CALR: variants seen among roughly 807,000 people sequenced by gnomAD.
The protein encoded by CALR is CRP55.
In CALR, 15 loss-of-function variants were observed where a neutral mutation model predicts 51.1. The ratio of observed to expected loss-of-function variants is 0.29; its 90% confidence interval spans 0.20 to 0.45. The LOEUF (loss-of-function observed/expected upper bound fraction) is 0.45, where lower values mean the gene tolerates loss of function less well. Ranked by LOEUF, CALR falls within the 20% of genes least tolerant of loss-of-function variation. CALR has a pLI of 1.00. For synonymous variants in CALR, 239 were observed against 205.9 expected, an observed-to-expected ratio of 1.16 and a Z score of -1.38; for missense variants, 477 against 530.6, an observed-to-expected ratio of 0.90 and a Z score of 0.99.
rs1018609569 is a variant in CALR at position 12,938,650 on chromosome 19, G to A, written c.-30G>A. Reference sequence around the variant, plus strand: ...CGCTGCCGGAGGGTCGTTTTAAAGGGCCCGCGCGTTGCCGCCCCCTCGGCC... The same window carrying A: ...CGCTGCCGGAGGGTCGTTTTAAAGGACCCGCGCGTTGCCGCCCCCTCGGCC... On this transcript the variant is annotated 5_prime_UTR_variant, in exon 1 of 9. Transcript: ENST00000316448. 5.1e-6 allele frequency: 8 copies of A among 1,569,532 alleles called. No individual in the cohort carries two copies. The African/African-American group carries it at 6.8e-5, about 13-fold the overall frequency.
intron 4 of CALR, 37 bp from the exon 5 acceptor site, chr19:12,940,206 T>TG (rs1443241458): frequency 1.2e-6 from 2 of 1,609,834 alleles, no homozygotes; most frequent in African/African-American, 1.3e-5. Flanking sequence ...TCAGCCTCAT[T>TG]GGGGGGTGGC....
intron 7 of CALR, among the ~76,000 whole-genome samples, chr19:12,942,142 A>G (rs950069803): frequency 9.9e-5 from 15 of 151,834 alleles, no homozygotes; most frequent in East Asian, 2.0e-4. Context: ...GGTGGATCAC[A>G]AGGTCAGGAG....
At chr19:12,942,172 A>T (rs1463043674) in intron 7 of CALR, among the ~76,000 whole-genome samples, 1 of 151,942 alleles carries the variant, frequency 6.6e-6, no homozygotes, top group Non-Finnish European at 1.5e-5. Context: ...ATCCTGGCTA[A>T]CATGGTGAAT....
At chr19:12,941,258 T>TA (rs1971542716) in intron 7 of CALR, among the ~76,000 whole-genome samples, 1 of 152,042 alleles carries the variant, frequency 6.6e-6, no homozygotes, top group African/African-American at 2.4e-5. Context: ...CAACTCAACC[T>TA]AGCTTGGCAA....
intron 7 of CALR, among the ~76,000 whole-genome samples, chr19:12,941,763 G>A (rs556456408): frequency 2.1e-4 from 32 of 151,782 alleles, no homozygotes; most frequent in African/African-American, 3.4e-4. Flanking sequence ...GATTACAGGC[G>A]TGAGCCACCT....
In CALR at chr19:12,943,863, G is replaced by C. The variant is rs1471691318; in HGVS notation, c.1204G>C (p.Glu402Gln). Residue 402 changes from glutamate to glutamine, a missense_variant, in exon 9 of 9, where the codon GAG becomes CAG. Coordinates refer to ENST00000316448, the MANE Select transcript of CALR (RefSeq NM_004343.4). ...GGATGAGGAGGATGAGGAGGACAAG[G>C]AGGAAGATGAGGAGGAAGATGTCCC... Reference protein sequence around the residue: ...DEDEEDEEDKEEDEEEDVPGQ... With the variant: ...DEDEEDEEDKQEDEEEDVPGQ... 2.5e-6 allele frequency: 4 copies of C among 1,584,196 alleles called. No homozygotes were observed. The African/African-American group carries it at 4.0e-5, about 16-fold the overall frequency.
rs1411233799 is a variant in CALR, at chr19:12,944,452, T to G, written c.*539T>G. 5.8e-6 allele frequency: 1 copy of G among 171,250 alleles called. No individual in the cohort carries two copies. The highest frequency in any genetic ancestry group is 1.2e-5 in the Non-Finnish European group (1 of 80,540). The allele number at this position is 171,250 out of a possible 1,614,324, so 10.6% of individuals were successfully genotyped here. Reference sequence around the variant, plus strand: ...TGGCTCACACTGAGAATGTAAGAACTACAAACAAAATTTCTATTAAATTAA... The same window carrying G: ...TGGCTCACACTGAGAATGTAAGAACGACAAACAAAATTTCTATTAAATTAA... On this transcript the variant is annotated 3_prime_UTR_variant, in exon 9 of 9. Transcript: ENST00000316448.
chr19:12,942,357 T>TA (rs1971560546), intron 7 of CALR, among the ~76,000 whole-genome samples: 1 of 136,762 alleles, frequency 7.3e-6, no homozygotes, highest in Admixed American at 7.6e-5. Context: ...CGAGACTCTG[T>TA]CCCAAAAAAA....
chr19:12,941,272 A>C (rs1470955726), intron 7 of CALR, among the ~76,000 whole-genome samples: 1 of 151,996 alleles, frequency 6.6e-6, no homozygotes, highest in Non-Finnish European at 1.5e-5. Flanking sequence ...TTGGCAACAC[A>C]GCGAGGAGAC....
chr19:12,942,521 C>T (rs1971562708), intron 7 of CALR, among the ~76,000 whole-genome samples: 1 of 151,602 alleles, frequency 6.6e-6, no homozygotes, highest in Non-Finnish European at 1.5e-5. Flanking sequence ...GTCAGTGGCC[C>T]AAGGTCATGG....
At chr19:12,939,084 G>A in intron 1 of CALR, 50 bp from the exon 2 acceptor site, 1 of 1,068,076 alleles carries the variant, frequency 9.4e-7, no homozygotes, top group Non-Finnish European at 1.4e-6. Flanking sequence ...TTTGGTGTGG[G>A]GGGGGATTAG....
In CALR at chr19:12,940,812, C is replaced by A; in HGVS notation, c.885C>A (p.Asp295Glu). Residue 295 changes from aspartate to glutamate, a missense_variant, in exon 7 of 9, where the codon GAC (aspartate) becomes GAA (glutamate). Asp to Glu is a conservative substitution (Grantham distance 45). Coordinates refer to ENST00000316448, the MANE Select transcript of CALR (RefSeq NM_004343.4). Reference sequence around the variant, plus strand: ...GCACTTGGATCCACCCAGAAATTGACAACCCCGAGTATTCTCCCGATCCCA... The same window carrying A: ...GCACTTGGATCCACCCAGAAATTGAAAACCCCGAGTATTCTCCCGATCCCA... ...YKGTWIHPEI[D>E]NPEYSPDPSI... 6.2e-7 allele frequency: 1 copy of A among 1,614,142 alleles called. No homozygotes were observed. Among genetic ancestry groups the A allele is most frequent in the Admixed American group, 1.7e-5 (1 of 60,014 alleles).
intron 5 of CALR, 37 bp from the exon 6 acceptor site, chr19:12,940,504 A>T: frequency 6.2e-7 from 1 of 1,613,498 alleles, no homozygotes; most frequent in Non-Finnish European, 8.5e-7. Flanking sequence ...TGTGGAAGAC[A>T]TCTGGGCCAA....
rs552307626 is a variant in CALR, at chr19:12,941,451, A to G, written c.960+564A>G. ...GCTGGGATTACAGGCATGTGCTACT[A>G]TGGATGCCAGGCTAATTTTTTTTTT... On this transcript the variant is annotated intron_variant, in intron 7 of 8. Coordinates refer to ENST00000316448, the MANE Select transcript of CALR (RefSeq NM_004343.4). Among the ~76,000 whole-genome samples, 186 of 146,700 alleles carry G rather than the reference A, an allele frequency of 1.3e-3. 3 individuals are homozygous for G. The South Asian group carries it at 0.038, about 30-fold the overall frequency.
In CALR at chr19:12,944,158, A is replaced by G. The variant is rs1971594922; in HGVS notation, c.*245A>G. 5 of 592,448 alleles carry G rather than the reference A, an allele frequency of 8.4e-6. No homozygotes were observed. Among genetic ancestry groups the G allele is most frequent in the Middle Eastern group, 4.7e-4 (1 of 2,114 alleles). 36.7% of individuals were successfully genotyped at this position (592,448 alleles called of 1,614,324 possible). On this transcript the variant is annotated 3_prime_UTR_variant, in exon 9 of 9. Coordinates refer to ENST00000316448, the MANE Select transcript of CALR (RefSeq NM_004343.4). ...CCTTCAGCCCTCACCCCTGGTTCTC[A>G]TCTTTCTTGATCAACATCTTTTCTT... is the stretch of plus-strand genomic sequence containing the variant.
At position 12,939,639 on chromosome 19, in the gene CALR, C is replaced by T. The variant is rs779537086; in HGVS notation, c.397+8C>T. The stretch of plus-strand genomic sequence containing the variant: ...AATACAACATCATGTTTGGTGAGGG[C>T]CTGCTTCCTGGTGCTGATCTCTGTC... On this transcript the variant is annotated splice_region_variant and intron_variant, in intron 3 of 8. Coordinates refer to ENST00000316448, the MANE Select transcript of CALR (RefSeq NM_004343.4). 4 of 1,609,240 alleles carry T rather than the reference C, an allele frequency of 2.5e-6. No homozygotes were observed. Among genetic ancestry groups the T allele is most frequent in the South Asian group, 2.2e-5 (2 of 90,972 alleles).
At chr19:12,942,079 G>T (rs181769902) in intron 7 of CALR, among the ~76,000 whole-genome samples, 3 of 151,844 alleles carry the variant, frequency 2.0e-5, no homozygotes, top group Admixed American at 2.0e-4. Flanking sequence ...TTGGGACTTG[G>T]CCGGACACAG....
In CALR at chr19:12,938,801, C is replaced by T. The variant is rs774308071; in HGVS notation, c.91+31C>T. ...GCCTGGTCCCGCCTCGAGGCCGCCCCGACGACGCGGCCGGCCCCCGATCCT... is the reference window on the plus strand; with the variant it reads ...GCCTGGTCCCGCCTCGAGGCCGCCCTGACGACGCGGCCGGCCCCCGATCCT... On this transcript the variant is annotated intron_variant, in intron 1 of 8. Transcript: ENST00000316448. The T allele has an allele frequency of 3.3e-6, 5 of 1,521,132 alleles. No individual in the cohort carries two copies. The African/African-American group carries it at 6.9e-5, about 21-fold the overall frequency. 94.2% of individuals were successfully genotyped at this position (1,521,132 alleles called of 1,614,324 possible). A position where few individuals can be genotyped will look rare whatever the true frequency, so the allele number is the denominator to read the frequency against.
At position 12,940,156 on chromosome 19, in the gene CALR, G is replaced by C. The variant is rs550953482; in HGVS notation, c.492+9G>C. Reference sequence around the variant, plus strand: ...AGGACATCCGTTGCAAGGTGTGCCTGGGGGTGGTGGCAAATGGCTGTCATG... The same window carrying C: ...AGGACATCCGTTGCAAGGTGTGCCTCGGGGTGGTGGCAAATGGCTGTCATG... On this transcript the variant is annotated intron_variant, in intron 4 of 8. Transcript: ENST00000316448. 1.9e-6 allele frequency: 3 copies of C among 1,612,710 alleles called. No individual in the cohort carries two copies. In the African/African-American group the frequency reaches 4.0e-5, roughly 21 times the overall value.
Sources: allele counts gnomAD v4.1 joint callset (sites outside exome capture counted in the v4.1 genomes callset), GRCh38; gene constraint gnomAD v4.1.1; transcripts MANE v1.5; gene names NCBI Gene and HGNC (gene_info 2026-07-23, HGNC 2026-07-21).